L3MBTL4: variants seen among roughly 807,000 people sequenced by gnomAD.
The protein encoded by L3MBTL4 is L3MBTL histone methyl-lysine binding protein 4.
A neutral mutation model predicts 84.5 loss-of-function variants in L3MBTL4; 70 were observed. That is an observed-to-expected ratio of 0.83 (90% confidence interval 0.68 to 1.01). L3MBTL4 has a LOEUF of 1.01. Among genes scored for constraint, L3MBTL4 ranks in the 50% least tolerant of loss-of-function variants. The pLI is 0.00. For missense variants in L3MBTL4, 715 were observed against 754.8 expected (o/e 0.95, Z 0.62); for synonymous variants, 274 against 259.8 (o/e 1.05, Z -0.52).
Position 6,171,858 on chromosome 18 carries a change from C to T in L3MBTL4, c.1066G>A (p.Val356Ile). 6.4e-7 allele frequency: 1 copy of T among 1,551,960 alleles called. No homozygotes were observed. Among genetic ancestry groups the T allele is most frequent in the Non-Finnish European group, 8.7e-7 (1 of 1,146,462 alleles). ...GGCACTTCCAGTGGATGCCCTGTGA[C>T]ATCACACCATCCGATCGGGTGGATA... ...PDIHPIGWCD[V>I]TGHPLEVPQR... The change falls in exon 13 of 19, where the codon GTC becomes ATC. Residue 356 changes from valine (V) to isoleucine (I), a missense_variant. Coordinates refer to ENST00000317931, the MANE Select transcript of L3MBTL4 (RefSeq NM_001330559.2).
At chr18:6,411,872 T>G (rs1238891481) in intron 1 of L3MBTL4, among the ~76,000 whole-genome samples, 1 of 152,252 alleles carries the variant, frequency 6.6e-6, no homozygotes, top group Admixed American at 6.5e-5. Context: ...AAATGATATG[T>G]TTAGTTTTTC....
chr18:6,225,089 T>C (rs2046722868), intron 10 of L3MBTL4, among the ~76,000 whole-genome samples: 2 of 152,152 alleles, frequency 1.3e-5, no homozygotes, highest in African/African-American at 4.8e-5. Flanking sequence ...GTGTAGAATG[T>C]AGAAAGCCAC....
intron 16 of L3MBTL4, among the ~76,000 whole-genome samples, chr18:6,005,411 T>G (rs1014553642): frequency 7.9e-5 from 12 of 151,956 alleles, no homozygotes; most frequent in Admixed American, 5.9e-4. Context: ...GTCATGAGGG[T>G]TTGGGGTACA....
At chr18:6,155,899 T>C (rs553802706) in intron 13 of L3MBTL4, among the ~76,000 whole-genome samples, 1 of 152,306 alleles carries the variant, frequency 6.6e-6, no homozygotes, top group African/African-American at 2.4e-5. Context: ...GACTCTGTGT[T>C]CATTCCTAGG....
At chr18:6,269,031 C>T (rs537787407) in intron 4 of L3MBTL4, among the ~76,000 whole-genome samples, 3 of 152,314 alleles carry the variant, frequency 2.0e-5, no homozygotes, top group South Asian at 4.1e-4. Flanking sequence ...CGCTGACTCA[C>T]TCTAGCACAC....
At chr18:6,172,872 T>A (rs187464106) in intron 12 of L3MBTL4, among the ~76,000 whole-genome samples, 1 of 152,360 alleles carries the variant, frequency 6.6e-6, no homozygotes, top group Non-Finnish European at 1.5e-5. Context: ...AAATCCATTA[T>A]GCAGAACTTA....
At chr18:6,279,441 G>A (rs2049230395) in intron 4 of L3MBTL4, among the ~76,000 whole-genome samples, 1 of 152,156 alleles carries the variant, frequency 6.6e-6, no homozygotes, top group Admixed American at 6.5e-5. Context: ...CAAACAGATG[G>A]AGGATCACTT....
intron 14 of L3MBTL4, among the ~76,000 whole-genome samples, chr18:6,101,834 G>T (rs755454603): frequency 2.0e-4 from 31 of 152,190 alleles, no homozygotes; most frequent in Non-Finnish European, 4.0e-4. Context: ...TCCAGAAGAA[G>T]GAGCCATTAT....
chr18:6,270,704 G>A (rs1168638818), intron 4 of L3MBTL4, among the ~76,000 whole-genome samples: 1 of 152,194 alleles, frequency 6.6e-6, no homozygotes, highest in Non-Finnish European at 1.5e-5. Flanking sequence ...AAATGCCAGA[G>A]TCTGGGAAGG....
At chr18:6,047,329 G>A (rs1598553756) in intron 16 of L3MBTL4, among the ~76,000 whole-genome samples, 1 of 152,204 alleles carries the variant, frequency 6.6e-6, no homozygotes, top group East Asian at 1.9e-4. Context: ...ACAAAGAAGA[G>A]CTAGTACCAA....
At chr18:6,270,618 G>C (rs1486622547) in intron 4 of L3MBTL4, among the ~76,000 whole-genome samples, 2 of 152,194 alleles carry the variant, frequency 1.3e-5, no homozygotes, top group Non-Finnish European at 2.9e-5. Flanking sequence ...TTGAGACGAA[G>C]AGAAATTTGG....
At chr18:6,081,290 AT>A (rs2058070321) in intron 15 of L3MBTL4, 1 of 186,004 alleles carries the variant, frequency 5.4e-6, no homozygotes, top group African/African-American at 2.4e-5. Flanking sequence ...GTAAATAATA[AT>A]TGCTACTGAT....
rs117379325 is a variant in L3MBTL4, at chr18:6,221,154, G to A, written c.785-5319C>T. 2.0e-3 allele frequency among the ~76,000 whole-genome samples: 304 copies of A among 152,004 alleles called. 1 individual carries two copies. Among genetic ancestry groups the A allele is most frequent in the Non-Finnish European group, 3.8e-3 (260 of 67,972 alleles). ...AAGCAGCAACCTATTTTTTCCACTGGAACATTCTTTCTAAAGAATTGAGCT... is the reference window on the plus strand; with the variant it reads ...AAGCAGCAACCTATTTTTTCCACTGAAACATTCTTTCTAAAGAATTGAGCT... On this transcript the variant is annotated intron_variant, in intron 10 of 18. Transcript: ENST00000317931.
At chr18:6,010,707 G>A (rs1391771506) in intron 16 of L3MBTL4, among the ~76,000 whole-genome samples, 6 of 151,934 alleles carry the variant, frequency 3.9e-5, no homozygotes, top group Admixed American at 3.9e-4. Flanking sequence ...CTTTTTCCTT[G>A]AAGAAGTCTA....
intron 13 of L3MBTL4, among the ~76,000 whole-genome samples, chr18:6,161,856 T>C (rs569595908): frequency 6.6e-6 from 1 of 152,064 alleles, no homozygotes; most frequent in Non-Finnish European, 1.5e-5. Flanking sequence ...TTCTATTTCA[T>C]ACATTTGTAA....
intron 16 of L3MBTL4, among the ~76,000 whole-genome samples, chr18:6,036,660 T>C (rs998891646): frequency 1.3e-5 from 2 of 152,202 alleles, no homozygotes; most frequent in Admixed American, 1.3e-4. Context: ...AGCCAAACTT[T>C]CCTGTTTCTT....
chr18:6,070,476 GA>G (rs1417486271), intron 16 of L3MBTL4, among the ~76,000 whole-genome samples: 17 of 144,526 alleles, frequency 1.2e-4, no homozygotes, highest in Admixed American at 4.1e-4. Context: ...AAGTTTGGGT[GA>G]AAAAAGGATA....
chr18:6,069,810 A>T (rs2057523107), intron 16 of L3MBTL4, among the ~76,000 whole-genome samples: 1 of 152,208 alleles, frequency 6.6e-6, no homozygotes, highest in Non-Finnish European at 1.5e-5. Context: ...ACGGTGACTA[A>T]TGTGTTTACA....
chr18:5,962,739 G>A (rs376394514), intron 17 of L3MBTL4, among the ~76,000 whole-genome samples: 140 of 152,316 alleles, frequency 9.2e-4, no homozygotes, highest in South Asian at 4.8e-3. Flanking sequence ...GTCCAGCAGG[G>A]TCTGTACAGA....
Sources: allele counts gnomAD v4.1 joint callset (sites outside exome capture counted in the v4.1 genomes callset), GRCh38; gene constraint gnomAD v4.1.1; transcripts MANE v1.5; gene names NCBI Gene and HGNC (gene_info 2026-07-23, HGNC 2026-07-21).